ASIC2: variants seen among roughly 807,000 people sequenced by gnomAD.
ASIC2 encodes acid-sensing ion channel 2.
Under a neutral mutation model 57.3 loss-of-function variants are expected in ASIC2, and 25 were observed. The ratio of observed to expected loss-of-function variants is 0.44; its 90% CI spans 0.32 to 0.61. The LOEUF is 0.61. Ranked by LOEUF, ASIC2 falls within the 20% of genes least tolerant of loss-of-function variation. The pLI, the probability that ASIC2 is intolerant of heterozygous loss-of-function variation, is 0.06. For synonymous variants in ASIC2, 319 were observed against 307.5 expected (o/e 1.04, Z -0.39); for missense variants, 641 against 738.1 (o/e 0.87, Z 1.52).
chr17:33,448,657 C>A (rs1409922069), intron 1 of ASIC2, among the ~76,000 whole-genome samples: 1 of 152,212 alleles, frequency 6.6e-6, no homozygotes, highest in Non-Finnish European at 1.5e-5. Context: ...CCTGTGAGTC[C>A]TGTGACACCT....
intron 1 of ASIC2, among the ~76,000 whole-genome samples, chr17:34,045,849 A>G (rs1185272522): frequency 1.3e-5 from 2 of 152,210 alleles, no homozygotes; most frequent in African/African-American, 4.8e-5. Flanking sequence ...CCTCGCATTA[A>G]AAGATTAAAT....
intron 1 of ASIC2, among the ~76,000 whole-genome samples, chr17:34,108,081 CT>C (rs954048406): frequency 2.0e-5 from 3 of 151,850 alleles, no homozygotes; most frequent in Non-Finnish European, 4.4e-5. Flanking sequence ...TTGTATCTCG[CT>C]TTTTTTTACT....
At chr17:33,358,484 C>T (rs1484785080) in intron 1 of ASIC2, among the ~76,000 whole-genome samples, 5 of 152,168 alleles carry the variant, frequency 3.3e-5, no homozygotes, top group Non-Finnish European at 7.3e-5. Context: ...CATTCATTCA[C>T]GTATTCATTT....
chr17:33,525,262 G>A (rs1026536948), intron 1 of ASIC2, among the ~76,000 whole-genome samples: 5 of 152,194 alleles, frequency 3.3e-5, no homozygotes, highest in African/African-American at 1.2e-4. Flanking sequence ...TTTCTGAGTA[G>A]GGCGGACACG....
At chr17:33,761,936 G>A (rs1474536718) in intron 1 of ASIC2, among the ~76,000 whole-genome samples, 1 of 151,962 alleles carries the variant, frequency 6.6e-6, no homozygotes, top group East Asian at 1.9e-4. Context: ...TAGGAGTCAG[G>A]GGGTAGGGAT....
At chr17:33,524,943 A>G (rs1441614363) in intron 1 of ASIC2, among the ~76,000 whole-genome samples, 2 of 152,038 alleles carry the variant, frequency 1.3e-5, no homozygotes, top group Non-Finnish European at 2.9e-5. Context: ...TAGGGAGCCC[A>G]GCAGCTCCCT....
At chr17:33,067,236 A>G (rs1297269714) in intron 3 of ASIC2, among the ~76,000 whole-genome samples, 1 of 152,234 alleles carries the variant, frequency 6.6e-6, no homozygotes, top group African/African-American at 2.4e-5. Flanking sequence ...TTGGAATCTG[A>G]GTCAAGAGAC....
chr17:33,956,231 C>T (rs1904731199), intron 1 of ASIC2, among the ~76,000 whole-genome samples: 1 of 152,308 alleles, frequency 6.6e-6, no homozygotes, highest in East Asian at 1.9e-4. Context: ...GGAAAGCGCT[C>T]TTGAAGAAGA....
chr17:33,098,542 G>A (rs1469705956), intron 2 of ASIC2, among the ~76,000 whole-genome samples: 1 of 152,176 alleles, frequency 6.6e-6, no homozygotes, highest in Non-Finnish European at 1.5e-5. Flanking sequence ...CCTGTTCTGG[G>A]TGGCAGCGTG....
At chr17:34,075,258 T>C (rs528170988) in intron 1 of ASIC2, among the ~76,000 whole-genome samples, 4 of 152,260 alleles carry the variant, frequency 2.6e-5, no homozygotes, top group African/African-American at 9.6e-5. Flanking sequence ...CAAGCTCTGA[T>C]GCAGACTCCC....
At chr17:33,359,641 C>A (rs1908522194) in intron 1 of ASIC2, among the ~76,000 whole-genome samples, 2 of 152,200 alleles carry the variant, frequency 1.3e-5, no homozygotes, top group African/African-American at 2.4e-5. Flanking sequence ...ATATAGCTAG[C>A]CATCTAAAAG....
chr17:33,818,025 T>C (rs929581786), intron 1 of ASIC2, among the ~76,000 whole-genome samples: 1 of 152,224 alleles, frequency 6.6e-6, no homozygotes, highest in African/African-American at 2.4e-5. Flanking sequence ...CAGAGCCTGA[T>C]AGAAGCTGCA....
At chr17:34,105,381 T>C (rs1911008273) in intron 1 of ASIC2, among the ~76,000 whole-genome samples, 1 of 151,864 alleles carries the variant, frequency 6.6e-6, no homozygotes, top group South Asian at 2.1e-4. Context: ...GTTTATCAAA[T>C]GTATTAATCT....
rs536754253 is a variant in ASIC2, at chr17:33,659,477, C to T, written c.555+496501G>A. Among the ~76,000 whole-genome samples, 11 of 152,282 alleles carry T rather than the reference C, an allele frequency of 7.2e-5. No homozygotes were observed. In the East Asian group the frequency reaches 1.2e-3, roughly 16 times the overall value. ...CTAGGCCACAAACCTGTACATTATG[C>T]GACTGTCCTCAATACTGTAGGCAAT... On this transcript the variant is annotated intron_variant, in intron 1 of 9. Coordinates refer to the ASIC2 transcript ENST00000359872.
intron 1 of ASIC2, among the ~76,000 whole-genome samples, chr17:33,640,841 T>C (rs1170924371): frequency 1.3e-5 from 2 of 152,162 alleles, no homozygotes; most frequent in East Asian, 3.8e-4. Flanking sequence ...AGAGTCAGGT[T>C]TCATCGGCTG....
chr17:34,134,531 A>G (rs955581884), intron 1 of ASIC2, among the ~76,000 whole-genome samples: 7 of 152,244 alleles, frequency 4.6e-5, no homozygotes, highest in Middle Eastern at 3.2e-3. Context: ...GAGTGCAGCC[A>G]TCGTAGAGAT....
intron 1 of ASIC2, among the ~76,000 whole-genome samples, chr17:34,014,705 CTG>C (rs2142024127): frequency 6.6e-6 from 1 of 152,316 alleles, no homozygotes; most frequent in East Asian, 1.9e-4. Context: ...CTTCTGAAAA[CTG>C]AGCCCTTGAA....
chr17:34,016,078 T>C (rs1448700323), intron 1 of ASIC2, among the ~76,000 whole-genome samples: 1 of 152,210 alleles, frequency 6.6e-6, no homozygotes. Flanking sequence ...TCCATCGATA[T>C]GTAAGCAAAA....
intron 1 of ASIC2, among the ~76,000 whole-genome samples, chr17:33,964,878 G>T (rs952848539): frequency 6.6e-6 from 1 of 152,214 alleles, no homozygotes; most frequent in African/African-American, 2.4e-5. Context: ...GAAAGTTGCT[G>T]TTCTTCTCTT....
Sources: gnomAD v4.1 joint callset for allele counts (sites outside exome capture counted in the v4.1 genomes callset) on GRCh38, gnomAD v4.1.1 for gene constraint, MANE v1.5 for transcripts, NCBI Gene and HGNC (gene_info 2026-07-23, HGNC 2026-07-21) for gene names.